The following VDR variants were observed in gnomAD, a reference collection of about 807,000 sequenced individuals.
VDR encodes vitamin D3 receptor.
VDR carries 19 observed loss-of-function variants against 39.7 expected under a neutral mutation model. That is an observed-to-expected ratio of 0.48 (90% CI 0.33 to 0.70). VDR has a LOEUF of 0.70. Among genes scored for constraint, VDR ranks in the 30% least tolerant of loss-of-function variants. The pLI is 0.02. For synonymous variants in VDR, 242 were observed against 215.8 expected (o/e 1.12, Z -1.07); for missense variants, 442 against 570.5 (o/e 0.77, Z 2.29).
At chr12:47,870,674 C>T (rs1178268590) in intron 3 of VDR, among the ~76,000 whole-genome samples, 1 of 152,192 alleles carries the variant, frequency 6.6e-6, no homozygotes, top group Admixed American at 6.5e-5. Context: ...AGTAGGTGGC[C>T]TCTGCCAGCA....
rs1385917005 is a variant in VDR, at chr12:47,845,005, T to C, written c.1025A>G (p.Asp342Gly). Residue 342 changes from aspartate (D) to glycine (G), a missense_variant and splice_region_variant, in exon 10 of 10, where the codon GAT (aspartate) becomes GGT (glycine). Around this residue, in one of 5 missense-constraint regions of VDR, gnomAD observed 173 missense variants for 252.0 expected, o/e 0.69. Transcript: ENST00000549336. The part of the protein sequence containing the change: ...LLMAICIVSP[D>G]RPGVQDAALI... Reference sequence around the variant, plus strand: ...CGCGGCGTCCTGCACCCCAGGACGATCTGTGGGCACGGGGATAGAGAAGAA... The same window carrying C: ...CGCGGCGTCCTGCACCCCAGGACGACCTGTGGGCACGGGGATAGAGAAGAA... The C allele has an allele frequency of 1.2e-6, 2 of 1,611,832 alleles. No homozygotes were observed. The highest frequency in any genetic ancestry group is 3.3e-5 in the Admixed American group (2 of 59,984).
rs921629674 is a variant in VDR, at chr12:47,904,908, G to A, written c.-84+47C>T. 1.3e-4 allele frequency: 39 copies of A among 293,282 alleles called. No homozygotes were observed. In the Admixed American group the frequency reaches 1.4e-3, roughly 10 times the overall value. 18.2% of individuals were successfully genotyped at this position (293,282 alleles called of 1,614,324 possible). A position where few individuals can be genotyped will look rare whatever the true frequency, so the allele number is the denominator to read the frequency against. ...CCGGTATCCCAGACGCCCCGACCCC[G>A]AGTCCCTATCCTGAGACCCCCTTTC... On this transcript the variant is annotated intron_variant, in intron 1 of 9. Transcript: ENST00000549336.
intron 1 of VDR, chr12:47,904,627 C>T (rs1424846110): frequency 1.3e-6 from 2 of 1,535,890 alleles, no homozygotes; most frequent in Admixed American, 3.9e-5. Flanking sequence ...TTCCTCCACT[C>T]CATGCCAAGG....
intron 2 of VDR, among the ~76,000 whole-genome samples, chr12:47,881,803 C>T (rs1278171924): frequency 6.6e-6 from 1 of 152,148 alleles, no homozygotes; most frequent in Non-Finnish European, 1.5e-5. Context: ...TAGAACATAG[C>T]ACACATTCAA....
At chr12:47,853,046 T>C (rs75133887) in intron 7 of VDR, among the ~76,000 whole-genome samples, 2,190 of 152,364 alleles carry the variant, frequency 0.014, 69 homozygotes, top group African/African-American at 0.05. Context: ...GTTTATGTAT[T>C]TTATGGCAAT....
At chr12:47,852,940 C>T (rs371365049) in intron 7 of VDR, among the ~76,000 whole-genome samples, 1 of 152,210 alleles carries the variant, frequency 6.6e-6, no homozygotes, top group South Asian at 2.1e-4. Flanking sequence ...ATCTAGGAAG[C>T]ATTTTGCCCC....
At chr12:47,846,111 C>T (rs1945274340) in intron 9 of VDR, among the ~76,000 whole-genome samples, 1 of 152,248 alleles carries the variant, frequency 6.6e-6, no homozygotes, top group Admixed American at 6.5e-5. Flanking sequence ...ATCCCCCCTA[C>T]GAATCGCCTG....
At chr12:47,871,035 A>T (rs1038493135) in intron 3 of VDR, among the ~76,000 whole-genome samples, 1 of 152,182 alleles carries the variant, frequency 6.6e-6, no homozygotes, top group Non-Finnish European at 1.5e-5. Context: ...AGGTGGGTTT[A>T]AAAAAACATT....
chr12:47,882,904 T>C, intron 1 of VDR, 130 bp from the exon 2 acceptor site: 1 of 687,936 alleles, frequency 1.5e-6, no homozygotes, highest in African/African-American at 1.9e-5. Flanking sequence ...CAAACAGAAG[T>C]GGCTTGTTGG....
chr12:47,883,620 G>GACAC (rs149104045), intron 1 of VDR, among the ~76,000 whole-genome samples: 2 of 151,820 alleles, frequency 1.3e-5, no homozygotes, highest in Admixed American at 6.6e-5. Context: ...CAAACAGACA[G>GACAC]ACACACACAC....
intron 3 of VDR, 27 bp from the exon 4 acceptor site, chr12:47,865,204 T>C (rs1157390625): frequency 1.2e-6 from 2 of 1,607,798 alleles, no homozygotes; most frequent in Admixed American, 3.3e-5. Flanking sequence ...CACCCTGCCC[T>C]GGGTCACTGA....
chr12:47,854,628 A>G (rs1224287350), intron 7 of VDR, among the ~76,000 whole-genome samples: 1 of 152,186 alleles, frequency 6.6e-6, no homozygotes, highest in African/African-American at 2.4e-5. Context: ...GATTCCAGTC[A>G]AGCCAGCTGG....
At position 47,904,980 on chromosome 12, in the gene VDR, C is replaced by A; in HGVS notation, c.-109G>T. 1 of 179,466 alleles carries A rather than the reference C, an allele frequency of 5.6e-6. No individual in the cohort carries two copies. Among genetic ancestry groups the A allele is most frequent in the Non-Finnish European group, 1.2e-5 (1 of 84,718 alleles). The allele number at this position is 179,466 out of a possible 1,614,324, so 11.1% of individuals were successfully genotyped here. On this transcript the variant is annotated 5_prime_UTR_variant, in exon 1 of 10. Coordinates refer to ENST00000549336, the MANE Select transcript of VDR (RefSeq NM_000376.3). ...CTGGTCCGGCCGGCGGGTGGACAAG[C>A]TGTTCCGCGCTCCCGGCGCACACGG...
intron 2 of VDR, among the ~76,000 whole-genome samples, chr12:47,879,475 T>C (rs144879936): frequency 6.6e-6 from 1 of 152,300 alleles, no homozygotes; most frequent in Non-Finnish European, 1.5e-5. Context: ...CATGAACCCA[T>C]TCATGCTACT....
chr12:47,846,259 T>A, intron 9 of VDR, 76 bp downstream of exon 9: 1 of 1,328,600 alleles, frequency 7.5e-7, no homozygotes, highest in Admixed American at 1.7e-5. Context: ...GTTGCCCAGC[T>A]GGCCCTCAGC....
rs1470710849 is a variant in VDR, at chr12:47,844,526, AC to A, written c.*219del. The A allele has an allele frequency of 2.9e-5, 19 of 648,946 alleles. No homozygotes were observed. Among genetic ancestry groups the A allele is most frequent in the Non-Finnish European group, 4.5e-5 (17 of 382,004 alleles). 40.2% of individuals were successfully genotyped at this position (648,946 alleles called of 1,614,324 possible). On this transcript the variant is annotated 3_prime_UTR_variant, in exon 10 of 10. Coordinates refer to ENST00000549336, the MANE Select transcript of VDR (RefSeq NM_000376.3). ...GGGTTTCTTTGTCAAACAAACAGCAACTCCTCATGGCTGAGGTCTCAAGGGA... is the reference window on the plus strand; with the variant it reads ...GGGTTTCTTTGTCAAACAAACAGCAATCCTCATGGCTGAGGTCTCAAGGGA...
At chr12:47,845,436 C>T (rs1945262047) in intron 9 of VDR, among the ~76,000 whole-genome samples, 1 of 152,072 alleles carries the variant, frequency 6.6e-6, no homozygotes, top group Admixed American at 6.5e-5. Context: ...AACACTCTAC[C>T]TCTGTAGCCC....
At chr12:47,903,301 C>T (rs929956430) in intron 1 of VDR, among the ~76,000 whole-genome samples, 2 of 152,210 alleles carry the variant, frequency 1.3e-5, no homozygotes, top group Non-Finnish European at 2.9e-5. Flanking sequence ...AGCCCCACAG[C>T]TGGATTGGCC....
intron 1 of VDR, among the ~76,000 whole-genome samples, chr12:47,897,214 G>A (rs1425929581): frequency 4.6e-5 from 7 of 152,190 alleles, no homozygotes; most frequent in African/African-American, 1.7e-4. Context: ...TTATTGAGAG[G>A]CATAAATGAG....
Sources: gnomAD v4.1 joint callset for allele counts (sites outside exome capture counted in the v4.1 genomes callset) on GRCh38, gnomAD v4.1.1 for gene constraint, gnomAD v4.1.1 regional missense constraint, MANE v1.5 for transcripts, NCBI Gene and HGNC (gene_info 2026-07-23, HGNC 2026-07-21) for gene names.